RASA3: variants seen among roughly 807,000 people sequenced by gnomAD.
RASA3 encodes RAS p21 protein activator 3.
RASA3 carries 73 observed loss-of-function variants against 110.0 expected under a neutral mutation model. That is an observed-to-expected ratio of 0.66 (90% confidence interval 0.55 to 0.81). The LOEUF is 0.81. Among genes scored for constraint, RASA3 ranks in the 30% least tolerant of loss-of-function variants. RASA3 has a pLI of 0.00. For missense variants in RASA3, 976 were observed against 1,113.2 expected (o/e 0.88, Z 1.75); for synonymous variants, 500 against 451.4 (o/e 1.11, Z -1.37).
At chr13:114,062,937 C>T (rs1208519277) in intron 2 of RASA3, among the ~76,000 whole-genome samples, 1 of 152,218 alleles carries the variant, frequency 6.6e-6, no homozygotes, top group African/African-American at 2.4e-5. Context: ...TCCACTGACA[C>T]GAAATGCCCA....
Position 114,007,586 on chromosome 13 carries a change from G to C in RASA3, c.1689C>G (p.Ser563=). ...CACTCTTGGGGTCTCTTCTCCCCGA[G>C]GACGAAATCAGATCCAAGAACTAAA... ...AVKNFLDLIS[S]SGRRDPKSVE... Residue 563 remains serine, a synonymous_variant, in exon 18 of 24, where the codon TCC becomes TCG. Coordinates refer to ENST00000334062, the MANE Select transcript of RASA3 (RefSeq NM_007368.4). 1 of 1,613,276 alleles carries C rather than the reference G, an allele frequency of 6.2e-7. No homozygotes were observed. The highest frequency in any genetic ancestry group is 2.2e-5 in the East Asian group (1 of 44,880).
At position 113,996,178 on chromosome 13, in the gene RASA3, G is replaced by A. The variant is rs75997559; in HGVS notation, c.2141+353C>T. 6.0e-3 allele frequency among the ~76,000 whole-genome samples: 907 copies of A among 152,244 alleles called. 2 individuals are homozygous for A. The highest frequency in any genetic ancestry group is 0.017 in the African/African-American group (727 of 41,552). On this transcript the variant is annotated intron_variant, in intron 21 of 23. Coordinates refer to ENST00000334062, the MANE Select transcript of RASA3 (RefSeq NM_007368.4). ...TCAAGGTGGGTGTCCTGGGCCAGACGAAGCTTTCAGGGAGGGGCTTGCTCC... is the reference window on the plus strand; with the variant it reads ...TCAAGGTGGGTGTCCTGGGCCAGACAAAGCTTTCAGGGAGGGGCTTGCTCC...
In RASA3 at chr13:114,007,563, C is replaced by T. The variant is rs2053543415; in HGVS notation, c.1712G>A (p.Ser571Asn). The T allele has an allele frequency of 6.2e-7, 1 of 1,613,624 alleles. No homozygotes were observed. Among genetic ancestry groups the T allele is most frequent in the Non-Finnish European group, 8.5e-7 (1 of 1,179,860 alleles). The change falls in exon 18 of 24, where the codon AGT (serine) becomes AAT (asparagine). Residue 571 changes from serine to asparagine, a missense_variant. This residue lies in a region of RASA3 where 732 missense variants were observed against 779.7 expected (regional missense o/e 0.94). Transcript: ENST00000334062. Reference sequence around the variant, plus strand: ...TTTAAGCACGATGGGCTGCTCAACACTCTTGGGGTCTCTTCTCCCCGAGGA... The same window carrying T: ...TTTAAGCACGATGGGCTGCTCAACATTCTTGGGGTCTCTTCTCCCCGAGGA... ...ISSSGRRDPK[S>N]VEQPIVLKEG... is the part of the protein sequence containing the mutation.
At chr13:114,033,296 C>T (rs2054212966) in intron 4 of RASA3, among the ~76,000 whole-genome samples, 2 of 90,962 alleles carry the variant, frequency 2.2e-5, no homozygotes, top group African/African-American at 4.6e-5. Context: ...GACAACACGC[C>T]CCACGGCACC....
At chr13:114,104,863 A>C (rs1594461095) in intron 1 of RASA3, among the ~76,000 whole-genome samples, 7 of 112,298 alleles carry the variant, frequency 6.2e-5, no homozygotes, top group South Asian at 3.0e-4. Flanking sequence ...ACACGTTCAC[A>C]CCCTCCCCAC....
rs2053890702 is a variant in RASA3, at chr13:114,020,079, TGG to T, written c.786-1162_786-1161del. ...GAGGCATTAGCCCCCCTCAGGTGGG[TGG>T]AGCCTGTGTCCGAGGCATTAGCCCC... On this transcript the variant is annotated intron_variant, in intron 9 of 23. Transcript: ENST00000334062. Among the ~76,000 whole-genome samples the T allele has an allele frequency of 1.0e-4, 4 of 39,940 alleles. 1 individual carries two copies. Among genetic ancestry groups the T allele is most frequent in the Non-Finnish European group, 1.6e-4 (4 of 24,694 alleles). 26.2% of individuals were successfully genotyped at this position (39,940 alleles called of 152,430 possible).
intron 15 of RASA3, among the ~76,000 whole-genome samples, chr13:114,012,919 G>A (rs2053671873): frequency 2.6e-5 from 2 of 76,996 alleles, no homozygotes; most frequent in Admixed American, 2.9e-4. Flanking sequence ...CGCAGTCCAC[G>A]CACTCCACAC....
intron 1 of RASA3, among the ~76,000 whole-genome samples, chr13:114,079,291 G>A (rs1284405334): frequency 6.6e-5 from 10 of 152,208 alleles, no homozygotes; most frequent in Non-Finnish European, 7.3e-5. Flanking sequence ...CTGAAATAAC[G>A]TGGAACAGGT....
Position 113,981,591 on chromosome 13 carries a change from G to A in RASA3, c.2429+84C>T, listed in dbSNP as rs942174335. ...CACCTGAGCACGGGCGGCCCCACCC[G>A]GGAGCTCCCTGCAGCCCCACCCCCA... On this transcript the variant is annotated intron_variant, in intron 23 of 23. Coordinates refer to ENST00000334062, the MANE Select transcript of RASA3 (RefSeq NM_007368.4). 33 of 1,453,104 alleles carry A rather than the reference G, an allele frequency of 2.3e-5. No individual in the cohort carries two copies. The East Asian group carries it at 2.6e-4, about 11-fold the overall frequency. 90.0% of individuals were successfully genotyped at this position (1,453,104 alleles called of 1,614,324 possible).
Position 114,027,472 on chromosome 13 carries a change from G to A in RASA3, c.531-11C>T. ...TTCTTTGCTTCTGATCTGTTATCAA[G>A]TGAGAAAGGATTGGGATTAAAACAA... is the stretch of plus-strand genomic sequence containing the variant. On this transcript the variant is annotated splice_polypyrimidine_tract_variant and intron_variant, in intron 6 of 23. Transcript: ENST00000334062. The A allele has an allele frequency of 6.2e-7, 1 of 1,602,920 alleles. No homozygotes were observed. The highest frequency in any genetic ancestry group is 8.5e-7 in the Non-Finnish European group (1 of 1,170,014).
At position 114,041,105 on chromosome 13, in the gene RASA3, A is replaced by G; in HGVS notation, c.278-11T>C. 1 of 1,611,552 alleles carries G rather than the reference A, an allele frequency of 6.2e-7. No homozygotes were observed. Among genetic ancestry groups the G allele is most frequent in the Non-Finnish European group, 8.5e-7 (1 of 1,178,124 alleles). ...GGATGGCCACCTTCCCTGCAACACA[A>G]GCAGAGAAGACTTCACCACGGGCAC... On this transcript the variant is annotated splice_polypyrimidine_tract_variant and intron_variant, in intron 3 of 23. Coordinates refer to ENST00000334062, the MANE Select transcript of RASA3 (RefSeq NM_007368.4).
At chr13:114,037,283 G>A (rs550918830) in intron 4 of RASA3, among the ~76,000 whole-genome samples, 1 of 152,294 alleles carries the variant, frequency 6.6e-6, no homozygotes, top group South Asian at 2.1e-4. Context: ...ACAGCCCATC[G>A]GCAGGTGACT....
intron 1 of RASA3, among the ~76,000 whole-genome samples, chr13:114,129,194 G>A (rs79601128): frequency 1.3e-5 from 2 of 152,362 alleles, no homozygotes; most frequent in East Asian, 1.9e-4. Context: ...CGATCGCATA[G>A]GAAGTGTGGC....
intron 7 of RASA3, among the ~76,000 whole-genome samples, chr13:114,025,297 C>T (rs765521579): frequency 2.8e-4 from 42 of 152,320 alleles, no homozygotes; most frequent in Middle Eastern, 3.4e-3. Flanking sequence ...TTCTCTGCTT[C>T]GGGTTGAGGG....
chr13:114,001,065 C>T, intron 18 of RASA3, 133 bp from the exon 19 acceptor site: 3 of 654,182 alleles, frequency 4.6e-6, no homozygotes, highest in Non-Finnish European at 2.7e-6. Context: ...TATCATTTTA[C>T]TCCGAGTGAT....
rs2080254064 is a variant in RASA3, at chr13:114,114,436, G to C, written c.55+17999C>G. On this transcript the variant is annotated intron_variant, in intron 1 of 23. Transcript: ENST00000334062. The surrounding 1 kb of genome is among the most constrained non-coding windows in gnomAD (Gnocchi z 4.8). The stretch of plus-strand genomic sequence containing the variant: ...ACGGGGACACGGATGGATGGAGGGA[G>C]ATGAACTAATCAGCAAATGCTCCTT... Among the ~76,000 whole-genome samples the C allele has an allele frequency of 6.6e-6, 1 of 152,222 alleles. No individual in the cohort carries two copies. Among genetic ancestry groups the C allele is most frequent in the Non-Finnish European group, 1.5e-5 (1 of 68,042 alleles).
chr13:114,070,218 T>G (rs1196365863), intron 2 of RASA3, among the ~76,000 whole-genome samples: 3 of 37,562 alleles, frequency 8.0e-5, no homozygotes, highest in African/African-American at 3.4e-4. Flanking sequence ...GGTGGGAGAC[T>G]CGGGGGATGG....
intron 1 of RASA3, among the ~76,000 whole-genome samples, chr13:114,074,949 G>C (rs919493555): frequency 3.9e-5 from 6 of 152,342 alleles, no homozygotes; most frequent in African/African-American, 1.4e-4. Context: ...TCCAGACAGC[G>C]GATGCCCAGT....
chr13:113,999,660 C>G lies in RASA3; in HGVS notation c.1857G>C (p.Gln619His), dbSNP rs372767149. ...TCTCGATGGGAATGCTGTAGAGAGG[C>G]TGGTCCCCTGCAGCAGAGATGGACT... ...EFTYHKSKGD[Q>H]PLYSIPIENI... is the part of the protein sequence containing the mutation. The change falls in exon 20 of 24, where the codon CAG (glutamine) becomes CAC (histidine). Residue 619 changes from glutamine (Q) to histidine (H), a missense_variant. Around this residue, in one of 4 missense-constraint regions of RASA3, gnomAD observed 109 missense variants for 162.5 expected, o/e 0.67. Transcript: ENST00000334062. 2.5e-6 allele frequency: 4 copies of G among 1,612,760 alleles called. No individual in the cohort carries two copies. The African/African-American group carries it at 5.4e-5, about 22-fold the overall frequency.
Sources: allele counts gnomAD v4.1 joint callset (sites outside exome capture counted in the v4.1 genomes callset), GRCh38; gene constraint gnomAD v4.1.1; regional missense constraint gnomAD v4.1.1; non-coding constraint Gnocchi (gnomAD v3.1); transcripts MANE v1.5; gene names NCBI Gene and HGNC (gene_info 2026-07-23, HGNC 2026-07-21).